Variants in PIKFYVE observed in about 807,000 individuals in gnomAD.
PIKFYVE encodes the protein 1-phosphatidylinositol 3-phosphate 5-kinase.
Under a neutral mutation model 257.9 loss-of-function variants are expected in PIKFYVE, and 122 were observed. The ratio of observed to expected loss-of-function variants is 0.47; its 90% CI spans 0.41 to 0.55. The LOEUF is 0.55. PIKFYVE is among the 20% of genes least tolerant of loss of function. The probability of loss-of-function intolerance (pLI) is 0.00; values close to 1 mark genes in which losing one functional copy is unlikely to be tolerated. For synonymous variants in PIKFYVE, 892 were observed against 868.9 expected (o/e 1.03, Z -0.47); for missense variants, 2,160 against 2,536.6 (o/e 0.85, Z 3.19).
intron 24 of PIKFYVE, among the ~76,000 whole-genome samples, chr2:208,334,051 A>C (rs1452249969): frequency 6.6e-6 from 1 of 152,232 alleles, no homozygotes; most frequent in Non-Finnish European, 1.5e-5. Context: ...ATTCTGATAG[A>C]GCTAAAAGTC....
chr2:208,352,845 A>G, intron 39 of PIKFYVE, 63 bp downstream of exon 39: 1 of 1,558,362 alleles, frequency 6.4e-7, no homozygotes, highest in Non-Finnish European at 8.8e-7. Context: ...TTGGTTCTTA[A>G]ATATAGTGAA....
At chr2:208,341,253 C>T (rs537765087) in intron 31 of PIKFYVE, among the ~76,000 whole-genome samples, 1 of 152,066 alleles carries the variant, frequency 6.6e-6, no homozygotes, top group Non-Finnish European at 1.5e-5. Context: ...GGTGATCTGC[C>T]CACCTCTGTC....
chr2:208,319,900 G>C (rs1035927068), intron 16 of PIKFYVE, among the ~76,000 whole-genome samples: 4 of 151,808 alleles, frequency 2.6e-5, no homozygotes, highest in African/African-American at 7.3e-5. Flanking sequence ...CTTATTTCTT[G>C]GAGTTTGTGA....
intron 35 of PIKFYVE, among the ~76,000 whole-genome samples, chr2:208,348,230 T>A (rs911298242): frequency 2.0e-5 from 3 of 152,178 alleles, no homozygotes; most frequent in Admixed American, 6.5e-5. Context: ...TCGTGTACTG[T>A]GTGGTAGAAT....
rs61752188 is a variant in PIKFYVE at position 208,325,613 on chromosome 2, T to A, written c.2802T>A (p.Ile934=). ...ATAGCAGTTTGCTGGAATTGAGGAT[T>A]GTGTTTGAGAAGGGTGAGCAGGAAA... The part of the protein sequence containing the change: ...CDDSSLLELR[I]VFEKGEQENK... Residue 934 remains isoleucine, a synonymous_variant, in exon 20 of 42, where the codon ATT becomes ATA. Transcript: ENST00000264380. 558 of 1,614,098 alleles carry A rather than the reference T, an allele frequency of 3.5e-4. 3 individuals carry two copies. The Middle Eastern group carries it at 6.3e-3, about 18-fold the overall frequency.
chr2:208,329,212 A>G (rs1284855664), intron 21 of PIKFYVE, among the ~76,000 whole-genome samples: 1 of 152,184 alleles, frequency 6.6e-6, no homozygotes, highest in Non-Finnish European at 1.5e-5. Flanking sequence ...ATGCCAGAAC[A>G]TATTCTGTGT....
At chr2:208,299,523 C>T (rs560715138) in intron 8 of PIKFYVE, among the ~76,000 whole-genome samples, 14 of 151,946 alleles carry the variant, frequency 9.2e-5, no homozygotes, top group African/African-American at 3.4e-4. Flanking sequence ...CTCCTGACCT[C>T]GTGATCTCCC....
At chr2:208,354,909 C>T (rs1428576221) in intron 41 of PIKFYVE, among the ~76,000 whole-genome samples, 1 of 152,178 alleles carries the variant, frequency 6.6e-6, no homozygotes, top group East Asian at 1.9e-4. Flanking sequence ...CTTTAATTAA[C>T]ACTTGAGACT....
At chr2:208,292,735 T>G (rs2125234645) in intron 7 of PIKFYVE, among the ~76,000 whole-genome samples, 1 of 152,290 alleles carries the variant, frequency 6.6e-6, no homozygotes, top group African/African-American at 2.4e-5. Flanking sequence ...ACATAATAAT[T>G]GTGCATATTT....
intron 1 of PIKFYVE, among the ~76,000 whole-genome samples, chr2:208,270,321 T>A (rs915017558): frequency 6.6e-5 from 10 of 152,048 alleles, no homozygotes; most frequent in African/African-American, 2.4e-4. Flanking sequence ...GGATTATAGG[T>A]GTGAGCCACC....
Position 208,349,929 on chromosome 2 carries a change from T to C in PIKFYVE, c.5375-95T>C, listed in dbSNP as rs535429583. On this transcript the variant is annotated intron_variant, in intron 35 of 41. Coordinates refer to ENST00000264380, the MANE Select transcript of PIKFYVE (RefSeq NM_015040.4). ...TAGGATATTTTTACTTTTAATTTGC[T>C]AAGTTTTTTTGTTACATCAAGGAAA... 289 of 1,550,898 alleles carry C rather than the reference T, an allele frequency of 1.9e-4. 2 individuals carry two copies. In the South Asian group the frequency reaches 3.2e-3, roughly 17 times the overall value.
intron 16 of PIKFYVE, among the ~76,000 whole-genome samples, chr2:208,319,049 C>G (rs937718758): frequency 1.3e-5 from 2 of 151,860 alleles, no homozygotes; most frequent in African/African-American, 2.4e-5. Flanking sequence ...GTAGTGTTCT[C>G]AAACCTTGCT....
intron 1 of PIKFYVE, chr2:208,269,994 G>T: frequency 5.0e-6 from 1 of 199,524 alleles, no homozygotes; most frequent in Non-Finnish European, 1.1e-5. Flanking sequence ...GCGGATGGGG[G>T]CACCCATCTC....
In PIKFYVE at chr2:208,285,721, C is replaced by T; in HGVS notation, c.614-5C>T. On this transcript the variant is annotated splice_region_variant and splice_polypyrimidine_tract_variant and intron_variant, in intron 5 of 41. Coordinates refer to ENST00000264380, the MANE Select transcript of PIKFYVE (RefSeq NM_015040.4). ...CTTGTTTTTGTTTTTGTTTTTTTCTCCTAGGAGACCTCCGAGCTTGCACAT... is the reference window on the plus strand; with the variant it reads ...CTTGTTTTTGTTTTTGTTTTTTTCTTCTAGGAGACCTCCGAGCTTGCACAT... The T allele has an allele frequency of 1.2e-6, 2 of 1,611,998 alleles. No individual in the cohort carries two copies. Among genetic ancestry groups the T allele is most frequent in the Non-Finnish European group, 1.7e-6 (2 of 1,178,382 alleles).
At chr2:208,350,201 TAA>T in intron 36 of PIKFYVE, 118 bp downstream of exon 36, 1 of 1,451,974 alleles carries the variant, frequency 6.9e-7, no homozygotes, top group Non-Finnish European at 9.2e-7. Context: ...AAATGAATAT[TAA>T]GTCTTTATGC....
intron 24 of PIKFYVE, among the ~76,000 whole-genome samples, chr2:208,334,129 T>C (rs1290102325): frequency 6.6e-6 from 1 of 152,234 alleles, no homozygotes; most frequent in Non-Finnish European, 1.5e-5. Context: ...AGGTTCTGCC[T>C]TCAAAATATA....
In PIKFYVE at chr2:208,355,388, C is replaced by A; in HGVS notation, c.*83C>A. On this transcript the variant is annotated 3_prime_UTR_variant, in exon 42 of 42. Transcript: ENST00000264380. ...CAAAAATAAGCTACATGTTTTATTT[C>A]TTCATCGTGTTCACCACTGTATGCC... is the stretch of plus-strand genomic sequence containing the variant. The A allele has an allele frequency of 9.1e-7, 1 of 1,098,484 alleles. No homozygotes were observed. The highest frequency in any genetic ancestry group is 1.9e-5 in the Admixed American group (1 of 51,844). 68.0% of individuals were successfully genotyped at this position (1,098,484 alleles called of 1,614,324 possible). A position where few individuals can be genotyped will look rare whatever the true frequency, so the allele number is the denominator to read the frequency against.
In PIKFYVE at chr2:208,335,818, G is replaced by A. The variant is rs1173497138; in HGVS notation, c.4282G>A (p.Asp1428Asn). 6.2e-7 allele frequency: 1 copy of A among 1,612,764 alleles called. No individual in the cohort carries two copies. Among genetic ancestry groups the A allele is most frequent in the Non-Finnish European group, 8.5e-7 (1 of 1,179,074 alleles). ...AGTTTCACAGGTATATGTTGCCATT[G>A]ATGAAAGACTTGCATCTTTGAAAAC... ...QKVSQVYVAI[D>N]ERLASLKTDT... The change falls in exon 26 of 42, where the codon GAT (aspartate) becomes AAT (asparagine). Residue 1428 changes from aspartate to asparagine, a missense_variant. Physicochemically the swap from Asp to Asn is conservative, Grantham distance 23 (BLOSUM62 1). Around this residue, in one of 12 missense-constraint regions of PIKFYVE, gnomAD observed 699 missense variants for 855.8 expected, o/e 0.82. Coordinates refer to ENST00000264380, the MANE Select transcript of PIKFYVE (RefSeq NM_015040.4).
chr2:208,271,829 T>C, intron 2 of PIKFYVE, 138 bp downstream of exon 2: 1 of 822,886 alleles, frequency 1.2e-6, no homozygotes, highest in Non-Finnish European at 1.9e-6. Context: ...GAAAGTGAAA[T>C]ATTAACAAGC....
Sources: gnomAD v4.1 joint callset for allele counts (sites outside exome capture counted in the v4.1 genomes callset) on GRCh38, gnomAD v4.1.1 for gene constraint, gnomAD v4.1.1 regional missense constraint, MANE v1.5 for transcripts, NCBI Gene and HGNC (gene_info 2026-07-23, HGNC 2026-07-21) for gene names.